SMOC2: variants seen among roughly 807,000 people sequenced by gnomAD.
The protein encoded by SMOC2 is SPARC related modular calcium binding 2, also known as SPARC-related modular calcium-binding protein 2.
A neutral mutation model predicts 61.4 loss-of-function variants in SMOC2; 39 were observed. The observed-to-expected ratio is 0.64, with a 90% CI of 0.49 to 0.83. The LOEUF is 0.83. Ranked by LOEUF, SMOC2 falls within the 40% of genes least tolerant of loss-of-function variation. The pLI, the probability that SMOC2 is intolerant of heterozygous loss-of-function variation, is 0.00. For synonymous variants in SMOC2, 247 were observed against 239.9 expected (o/e 1.03, Z -0.27); for missense variants, 556 against 592.9 (o/e 0.94, Z 0.65).
chr6:168,499,294 G>A (rs1018085789), intron 1 of SMOC2, among the ~76,000 whole-genome samples: 3 of 152,204 alleles, frequency 2.0e-5, no homozygotes, highest in Non-Finnish European at 2.9e-5. Flanking sequence ...GGGCATGTGG[G>A]AACCGCAGTC....
At chr6:168,538,537 G>C (rs1346903540) in intron 4 of SMOC2, among the ~76,000 whole-genome samples, 2 of 120,718 alleles carry the variant, frequency 1.7e-5, no homozygotes, top group Non-Finnish European at 3.5e-5. Flanking sequence ...TGGGGGAGTG[G>C]GGTGACCGCT....
chr6:168,636,864 G>GCCTCTCTCCTCCCA (rs1786739157), intron 9 of SMOC2, among the ~76,000 whole-genome samples: 1 of 75,384 alleles, frequency 1.3e-5, no homozygotes, highest in African/African-American at 5.5e-5. Context: ...CCCTCCTCCC[G>GCCTCTCTCCTCCCA]CCTCCCTCCT....
chr6:168,629,939 G>A (rs752446303), intron 9 of SMOC2, among the ~76,000 whole-genome samples: 4 of 152,134 alleles, frequency 2.6e-5, no homozygotes, highest in African/African-American at 9.7e-5. Flanking sequence ...TTGAAACACC[G>A]GGGTGGGTGG....
intron 4 of SMOC2, among the ~76,000 whole-genome samples, chr6:168,529,545 A>G (rs1200070841): frequency 5.3e-5 from 8 of 152,148 alleles, no homozygotes; most frequent in Admixed American, 5.2e-4. Flanking sequence ...AACTCTCTTA[A>G]TCCCTGGCTG....
intron 1 of SMOC2, among the ~76,000 whole-genome samples, chr6:168,503,065 CTTTTTTTTTT>C (rs762736911): frequency 4.2e-5 from 2 of 47,824 alleles, no homozygotes; most frequent in Non-Finnish European, 7.0e-5. Flanking sequence ...CGTGCCTGGC[CTTTTTTTTTT>C]TTTTTTTTTT....
intron 1 of SMOC2, among the ~76,000 whole-genome samples, chr6:168,474,669 A>G (rs1428500554): frequency 6.6e-6 from 1 of 152,142 alleles, no homozygotes; most frequent in South Asian, 2.1e-4. Context: ...ACCACCAGGC[A>G]CAGCTGCGCA....
At chr6:168,619,519 C>T (rs1786192604) in intron 9 of SMOC2, among the ~76,000 whole-genome samples, 1 of 152,208 alleles carries the variant, frequency 6.6e-6, no homozygotes, top group South Asian at 2.1e-4. Flanking sequence ...TGATTAACTA[C>T]TTTAAAAGCC....
chr6:168,568,160 A>G (rs140832300), intron 7 of SMOC2, among the ~76,000 whole-genome samples: 4,527 of 151,656 alleles, frequency 0.03, 108 homozygotes, highest in African/African-American at 0.092. Flanking sequence ...GGTGTCTCAT[A>G]TTAGAATTTA....
chr6:168,580,486 A>G lies in SMOC2; in HGVS notation c.638-18332A>G, dbSNP rs937970087. Among the ~76,000 whole-genome samples, 2 of 152,326 alleles carry G rather than the reference A, an allele frequency of 1.3e-5. 1 individual carries two copies. Among genetic ancestry groups the G allele is most frequent in the East Asian group, 3.9e-4 (2 of 5,188 alleles). ...TCCTGGCTCTGTGATCTTGAGGAAG[A>G]CAGCAACTTTTTCTGAGCCTCAGCT... On this transcript the variant is annotated intron_variant, in intron 7 of 12. Coordinates refer to ENST00000356284, the MANE Select transcript of SMOC2 (RefSeq NM_001166412.2).
chr6:168,573,605 G>A (rs1190830099), intron 7 of SMOC2, among the ~76,000 whole-genome samples: 1 of 152,120 alleles, frequency 6.6e-6, no homozygotes, highest in Non-Finnish European at 1.5e-5. Flanking sequence ...GGCAGCGAGC[G>A]CCTGCGACAG....
At chr6:168,511,575 A>G (rs758900143) in intron 2 of SMOC2, among the ~76,000 whole-genome samples, 2 of 152,152 alleles carry the variant, frequency 1.3e-5, no homozygotes, top group Non-Finnish European at 2.9e-5. Context: ...TATCAGGGTG[A>G]TTTCTCAGAG....
chr6:168,551,816 C>A (rs536366446), intron 7 of SMOC2, among the ~76,000 whole-genome samples: 23 of 152,322 alleles, frequency 1.5e-4, no homozygotes, highest in African/African-American at 5.3e-4. Context: ...GCAGATTAAG[C>A]TCCATGTAAA....
intron 9 of SMOC2, among the ~76,000 whole-genome samples, chr6:168,638,906 A>G (rs1206100959): frequency 1.3e-5 from 2 of 152,174 alleles, no homozygotes; most frequent in African/African-American, 4.8e-5. Context: ...AAAGGAGAAA[A>G]TCTCCAGTGC....
intron 3 of SMOC2, among the ~76,000 whole-genome samples, chr6:168,527,185 C>G (rs1434866127): frequency 6.6e-6 from 1 of 152,116 alleles, no homozygotes; most frequent in Non-Finnish European, 1.5e-5. Flanking sequence ...GGAGCTGGAG[C>G]TGAAGGACAG....
intron 7 of SMOC2, among the ~76,000 whole-genome samples, chr6:168,574,657 C>T (rs12214417): frequency 0.088 from 13,427 of 152,012 alleles, 629 homozygotes; most frequent in East Asian, 0.13. Flanking sequence ...GATTCCTGTG[C>T]CGTGTGTGTA....
intron 7 of SMOC2, among the ~76,000 whole-genome samples, chr6:168,557,307 G>C (rs191722945): frequency 1.3e-5 from 2 of 152,164 alleles, no homozygotes; most frequent in Non-Finnish European, 2.9e-5. Flanking sequence ...CTGTAAAAGT[G>C]TATTGTTTAA....
chr6:168,621,051 C>A (rs1786231271), intron 9 of SMOC2, among the ~76,000 whole-genome samples: 1 of 149,802 alleles, frequency 6.7e-6, no homozygotes, highest in African/African-American at 2.6e-5. Context: ...TTTTCTCAGA[C>A]AGCATGATTT....
At chr6:168,550,886 T>C (rs1784115886) in intron 7 of SMOC2, among the ~76,000 whole-genome samples, 2 of 152,240 alleles carry the variant, frequency 1.3e-5, no homozygotes, top group Admixed American at 1.3e-4. Context: ...TTGATTTATT[T>C]CTGTTTCATA....
At chr6:168,509,832 G>A in intron 1 of SMOC2, 83 bp from the exon 2 acceptor site, 1 of 1,382,602 alleles carries the variant, frequency 7.2e-7, no homozygotes, top group Admixed American at 2.2e-5. Flanking sequence ...TGACCGTGAA[G>A]TGGCCTGAGG....
Sources: allele counts gnomAD v4.1 joint callset (sites outside exome capture counted in the v4.1 genomes callset), GRCh38; gene constraint gnomAD v4.1.1; transcripts MANE v1.5; gene names NCBI Gene and HGNC (gene_info 2026-07-23, HGNC 2026-07-21).